Variants in CXXC4 observed in about 807,000 individuals in gnomAD.
CXXC4 encodes CXXC finger protein 4.
In CXXC4, 5 loss-of-function variants were observed where a neutral mutation model predicts 20.5. That is an observed-to-expected ratio of 0.24 (90% CI 0.13 to 0.51). The LOEUF (loss-of-function observed/expected upper bound fraction) is 0.51. Among genes scored for constraint, CXXC4 ranks in the 20% least tolerant of loss-of-function variants. The pLI is 0.97. For missense variants in CXXC4, 419 were observed against 496.4 expected, an observed-to-expected ratio of 0.84 and a Z score of 1.48; for synonymous variants, 250 against 216.4, an observed-to-expected ratio of 1.16 and a Z score of -1.36.
rs547577102 is a variant in CXXC4 at position 104,486,959 on chromosome 4, CT to C, written c.1059+3784del. On this transcript the variant is annotated intron_variant, in intron 2 of 2. Coordinates refer to ENST00000394767, the MANE Select transcript of CXXC4 (RefSeq NM_025212.4). ...GCGTAAACAATATGTCCCTCCTCCCCTATTACACTCTTCTGAAGTAAGCTAT... is the reference window on the plus strand; with the variant it reads ...GCGTAAACAATATGTCCCTCCTCCCCATTACACTCTTCTGAAGTAAGCTAT... Among the ~76,000 whole-genome samples the C allele has an allele frequency of 1.1e-4, 17 of 152,230 alleles. No homozygotes were observed. The East Asian group carries it at 3.1e-3, about 28-fold the overall frequency.
At position 104,481,709 on chromosome 4, in the gene CXXC4, C is replaced by T. The variant is rs79189033; in HGVS notation, c.1059+9035G>A. On this transcript the variant is annotated intron_variant, in intron 2 of 2. Coordinates refer to ENST00000394767, the MANE Select transcript of CXXC4 (RefSeq NM_025212.4). ...GCATGTACATATATATTGGTACATA[C>T]GTATGTATGTATACATGGAACTTAA... Among the ~76,000 whole-genome samples, 221 of 152,016 alleles carry T rather than the reference C, an allele frequency of 1.5e-3. 1 individual carries two copies. Among genetic ancestry groups the T allele is most frequent in the African/African-American group, 5.2e-3 (217 of 41,458 alleles).
At chr4:104,487,794 A>G (rs771430387) in intron 2 of CXXC4, among the ~76,000 whole-genome samples, 12 of 152,192 alleles carry the variant, frequency 7.9e-5, no homozygotes, top group Non-Finnish European at 1.8e-4. Context: ...GCATTATCAT[A>G]TCAAATATGA....
chr4:104,483,476 C>A (rs1030937259), intron 2 of CXXC4, among the ~76,000 whole-genome samples: 1 of 151,796 alleles, frequency 6.6e-6, no homozygotes, highest in Admixed American at 6.6e-5. Context: ...TAATAACTGT[C>A]TTCATTTTAA....
At chr4:104,474,828 AT>A (rs1736362669) in intron 2 of CXXC4, among the ~76,000 whole-genome samples, 1 of 152,204 alleles carries the variant, frequency 6.6e-6, no homozygotes, top group African/African-American at 2.4e-5. Flanking sequence ...TATGGAGTAC[AT>A]TTTTTAAATG....
At chr4:104,490,250 C>T (rs1451019524) in intron 2 of CXXC4, among the ~76,000 whole-genome samples, 1 of 152,182 alleles carries the variant, frequency 6.6e-6, no homozygotes, top group Non-Finnish European at 1.5e-5. Flanking sequence ...GGTGTTTCAA[C>T]TTCATTGAAT....
intron 1 of CXXC4, among the ~76,000 whole-genome samples, chr4:104,492,918 G>A (rs549059699): frequency 1.3e-5 from 2 of 152,106 alleles, no homozygotes; most frequent in African/African-American, 2.4e-5. Context: ...TAAACCAAGT[G>A]CCTGCAGCCT....
intron 1 of CXXC4, among the ~76,000 whole-genome samples, chr4:104,493,604 G>A (rs1439308810): frequency 6.6e-6 from 1 of 152,156 alleles, no homozygotes; most frequent in Non-Finnish European, 1.5e-5. Context: ...CCCCAGGCTG[G>A]ATTAGAAGCT....
chr4:104,482,175 A>C (rs1736573955), intron 2 of CXXC4, among the ~76,000 whole-genome samples: 1 of 152,188 alleles, frequency 6.6e-6, no homozygotes, highest in African/African-American at 2.4e-5. Context: ...TTTCTAAAAA[A>C]TCTTGATGGT....
intron 2 of CXXC4, among the ~76,000 whole-genome samples, chr4:104,487,411 C>T (rs917028760): frequency 2.0e-5 from 3 of 151,900 alleles, no homozygotes; most frequent in Non-Finnish European, 4.4e-5. Flanking sequence ...TGGGGTTGCC[C>T]ATGGGACAAT....
intron 2 of CXXC4, among the ~76,000 whole-genome samples, chr4:104,487,051 A>G (rs1204354410): frequency 1.3e-5 from 2 of 152,186 alleles, no homozygotes; most frequent in Non-Finnish European, 2.9e-5. Flanking sequence ...TAACTTGTGG[A>G]AAAATTACTG....
chr4:104,488,686 G>T lies in CXXC4; in HGVS notation c.1059+2058C>A, dbSNP rs113285947. On this transcript the variant is annotated intron_variant, in intron 2 of 2. Transcript: ENST00000394767. The stretch of plus-strand genomic sequence containing the variant: ...AAAAAGAAGAAAATGTAGTTTTATG[G>T]GATTTTGTCATCAAAATGCCTGAGG... Among the ~76,000 whole-genome samples, 1,143 of 152,202 alleles carry T rather than the reference G, an allele frequency of 7.5e-3. 12 individuals are homozygous for T. Among genetic ancestry groups the T allele is most frequent in the Middle Eastern group, 0.041 (12 of 294 alleles).
intron 2 of CXXC4, among the ~76,000 whole-genome samples, chr4:104,482,160 C>A (rs1481262566): frequency 1.3e-5 from 2 of 152,096 alleles, no homozygotes; most frequent in South Asian, 4.1e-4. Flanking sequence ...TTTATTCTAA[C>A]CTACTTTCTA....
At chr4:104,489,086 A>T (rs1736769030) in intron 2 of CXXC4, among the ~76,000 whole-genome samples, 1 of 152,134 alleles carries the variant, frequency 6.6e-6, no homozygotes, top group South Asian at 2.1e-4. Flanking sequence ...TTCAAAAGCT[A>T]TTTTTTGCCA....
chr4:104,473,001 A>T (rs1736314919), intron 2 of CXXC4, among the ~76,000 whole-genome samples: 1 of 151,918 alleles, frequency 6.6e-6, no homozygotes, highest in Non-Finnish European at 1.5e-5. Flanking sequence ...CCTACCAAAA[A>T]TGCAATCAAA....
rs148586502 is a variant in CXXC4, at chr4:104,481,803, G to A, written c.1059+8941C>T. ...ATTGAATTTATCAAGGGTTTACTAT[G>A]TGCTAATTAATACCATATATTCATG... On this transcript the variant is annotated intron_variant, in intron 2 of 2. Coordinates refer to ENST00000394767, the MANE Select transcript of CXXC4 (RefSeq NM_025212.4). Among the ~76,000 whole-genome samples the A allele has an allele frequency of 5.7e-4, 86 of 152,202 alleles. 1 individual carries two copies. In the East Asian group the frequency reaches 0.014, roughly 25 times the overall value.
chr4:104,492,201 A>ACCCCCCC (rs1162003749), intron 1 of CXXC4, 142 bp from the exon 2 acceptor site: 1 of 109,504 alleles, frequency 9.1e-6, no homozygotes, highest in Non-Finnish European at 1.9e-5. Flanking sequence ...TCAAGACGTG[A>ACCCCCCC]CCCCCCCCAG....
intron 2 of CXXC4, among the ~76,000 whole-genome samples, chr4:104,477,638 G>C (rs1736447178): frequency 6.6e-6 from 1 of 151,758 alleles, no homozygotes; most frequent in South Asian, 2.1e-4. Flanking sequence ...GTAAAGTATA[G>C]GCTAATAATA....
chr4:104,484,881 C>T (rs993068175), intron 2 of CXXC4, among the ~76,000 whole-genome samples: 2 of 151,896 alleles, frequency 1.3e-5, no homozygotes, highest in African/African-American at 2.4e-5. Flanking sequence ...AATTTCAGGA[C>T]AGGTGTTTGC....
In CXXC4 at chr4:104,491,422, CCCGCCTCCGCCG is replaced by C. The variant is rs1445699744; in HGVS notation, c.369_380del (p.Gly131_Gly134del). On this transcript the variant is annotated inframe_deletion, in exon 2 of 3. Transcript: ENST00000394767. Reference sequence around the variant, plus strand: ...TCCTGCCGCCCCCACCACCCCCGCCCCCGCCTCCGCCGCCGCCGCCGCCGCCGCCACCCCCCC... The same window carrying C: ...TCCTGCCGCCCCCACCACCCCCGCCCCCGCCGCCGCCGCCGCCACCCCCCC... The C allele has an allele frequency of 1.9e-5, 19 of 982,240 alleles. No homozygotes were observed. The highest frequency in any genetic ancestry group is 2.2e-5 in the Non-Finnish European group (17 of 776,310). The allele number at this position is 982,240 out of a possible 1,614,324, so 60.8% of individuals were successfully genotyped here. A position where few individuals can be genotyped will look rare whatever the true frequency, so the allele number is the denominator to read the frequency against.
Sources: allele counts gnomAD v4.1 joint callset (sites outside exome capture counted in the v4.1 genomes callset), GRCh38; gene constraint gnomAD v4.1.1; transcripts MANE v1.5; gene names NCBI Gene and HGNC (gene_info 2026-07-23, HGNC 2026-07-21).